SCP2: variants seen among roughly 807,000 people sequenced by gnomAD.
The protein encoded by SCP2 is SCP-2/3-oxoacyl-CoA thiolase.
In SCP2, 48 loss-of-function variants were observed where a neutral mutation model predicts 71.4. The observed-to-expected ratio is 0.67, with a 90% confidence interval of 0.53 to 0.86. The LOEUF (loss-of-function observed/expected upper bound fraction) is 0.86, where lower values mean the gene tolerates loss of function less well. Ranked by LOEUF, SCP2 falls within the 40% of genes least tolerant of loss-of-function variation. SCP2 has a pLI of 0.00. For missense variants in SCP2, 560 were observed against 655.6 expected (o/e 0.85, Z 1.59); for synonymous variants, 220 against 218.1 (o/e 1.01, Z -0.08).
chr1:52,982,683 G>A (rs558606445), intron 10 of SCP2, among the ~76,000 whole-genome samples: 38 of 152,280 alleles, frequency 2.5e-4, no homozygotes, highest in Non-Finnish European at 5.1e-4. Flanking sequence ...CACATAAAAT[G>A]TAGAAGCCTT....
chr1:53,012,204 C>T (rs1259472067), intron 11 of SCP2, among the ~76,000 whole-genome samples: 1 of 152,220 alleles, frequency 6.6e-6, no homozygotes, highest in Non-Finnish European at 1.5e-5. Flanking sequence ...AAGGGACCTG[C>T]CCCACGCCCA....
intron 13 of SCP2, among the ~76,000 whole-genome samples, chr1:53,037,301 T>G (rs17107710): frequency 0.2 from 30,300 of 152,014 alleles, 4,968 homozygotes; most frequent in African/African-American, 0.43. Flanking sequence ...GGTGTGTGAG[T>G]TTGTTGTCCT....
chr1:52,952,865 A>G (rs1655442291), intron 4 of SCP2, among the ~76,000 whole-genome samples: 1 of 151,994 alleles, frequency 6.6e-6, no homozygotes, highest in South Asian at 2.1e-4. Flanking sequence ...GTTCTTTTGT[A>G]TATGTATCAT....
chr1:53,024,622 G>A (rs1661988829), intron 12 of SCP2, among the ~76,000 whole-genome samples: 1 of 149,446 alleles, frequency 6.7e-6, no homozygotes, highest in South Asian at 2.1e-4. Flanking sequence ...CCAGGCTGGA[G>A]TGCAGTGGCA....
intron 6 of SCP2, among the ~76,000 whole-genome samples, chr1:52,972,428 C>G (rs924740069): frequency 1.3e-5 from 2 of 151,958 alleles, no homozygotes; most frequent in African/African-American, 2.4e-5. Context: ...TCCTATGTTA[C>G]GAAAAAAGGA....
intron 1 of SCP2, among the ~76,000 whole-genome samples, 160 bp downstream of exon 1, chr1:52,927,625 C>T (rs1652578861): frequency 6.6e-6 from 1 of 152,192 alleles, no homozygotes; most frequent in East Asian, 1.9e-4. Flanking sequence ...GGGGTCATAG[C>T]GTCTCGGGCT....
At position 53,036,544 on chromosome 1, in the gene SCP2, AAT is replaced by A. The variant is rs1395765055; in HGVS notation, c.1339-2366_1339-2365del. Among the ~76,000 whole-genome samples, 3 of 148,882 alleles carry A rather than the reference AAT, an allele frequency of 2.0e-5. No individual in the cohort carries two copies. The East Asian group carries it at 5.8e-4, about 29-fold the overall frequency. On this transcript the variant is annotated intron_variant, in intron 13 of 15. Transcript: ENST00000371514. ...AGACCTTCTTGAATATATATATAAT[AAT>A]ATATATGTAGCATATATAAATCTTA...
Position 52,957,218 on chromosome 1 carries a change from G to A in SCP2, c.396+2414G>A, listed in dbSNP as rs370105575. On this transcript the variant is annotated intron_variant, in intron 5 of 15. Coordinates refer to ENST00000371514, the MANE Select transcript of SCP2 (RefSeq NM_002979.5). ...CCACTGCCCCTGGCCCCTGGCCCCT[G>A]GCCCCTGGCCCCTTCTGTCTATTTA... 9.6e-3 allele frequency among the ~76,000 whole-genome samples: 1,016 copies of A among 106,008 alleles called. 4 individuals carry two copies. The highest frequency in any genetic ancestry group is 0.015 in the Non-Finnish European group (717 of 48,802). 69.5% of individuals were successfully genotyped at this position (106,008 alleles called of 152,430 possible).
At chr1:52,928,393 G>A (rs1652739671) in intron 1 of SCP2, among the ~76,000 whole-genome samples, 1 of 152,218 alleles carries the variant, frequency 6.6e-6, no homozygotes. Context: ...GATATGCTTT[G>A]TGAAAGAGTT....
chr1:52,968,060 C>T (rs1033872420), intron 6 of SCP2, among the ~76,000 whole-genome samples: 1 of 152,172 alleles, frequency 6.6e-6, no homozygotes, highest in African/African-American at 2.4e-5. Context: ...CCTGCCCCAG[C>T]CTCCTGAGTA....
At chr1:52,982,308 G>T (rs182573539) in intron 10 of SCP2, among the ~76,000 whole-genome samples, 3 of 152,024 alleles carry the variant, frequency 2.0e-5, no homozygotes, top group Non-Finnish European at 2.9e-5. Flanking sequence ...CGGTGGCTCA[G>T]GCCTATAATC....
chr1:52,985,004 T>A (rs1214894527), intron 10 of SCP2, among the ~76,000 whole-genome samples: 2 of 149,978 alleles, frequency 1.3e-5, no homozygotes, highest in Admixed American at 6.7e-5. Context: ...CACGCCCGGC[T>A]AATTTTTGCA....
chr1:53,002,181 C>T lies in SCP2; in HGVS notation c.1082-12709C>T, dbSNP rs140086744. Among the ~76,000 whole-genome samples the T allele has an allele frequency of 6.5e-3, 935 of 143,890 alleles. 15 individuals carry two copies. Among genetic ancestry groups the T allele is most frequent in the African/African-American group, 0.023 (892 of 38,304 alleles). The allele number at this position is 143,890 out of a possible 152,430, so 94.4% of individuals were successfully genotyped here. On this transcript the variant is annotated intron_variant, in intron 11 of 15. Transcript: ENST00000371514. ...CAGCCTGGGTGACAGAGTGAGACTC[C>T]GTCTCAAAAAAAAAAAAAACAAAGA...
intron 12 of SCP2, among the ~76,000 whole-genome samples, 185 bp from the exon 13 acceptor site, chr1:53,027,784 C>T (rs536332994): frequency 1.3e-5 from 2 of 152,334 alleles, no homozygotes; most frequent in African/African-American, 4.8e-5. Flanking sequence ...GGACTATAGG[C>T]ATTGAGCCAT....
At chr1:52,962,225 A>T (rs1359249522) in intron 6 of SCP2, among the ~76,000 whole-genome samples, 1 of 152,164 alleles carries the variant, frequency 6.6e-6, no homozygotes, top group Non-Finnish European at 1.5e-5. Context: ...TGAGGATCTT[A>T]AAATGTCAAC....
At chr1:53,029,728 A>C (rs1662391212) in intron 13 of SCP2, among the ~76,000 whole-genome samples, 1 of 152,188 alleles carries the variant, frequency 6.6e-6, no homozygotes, top group Admixed American at 6.5e-5. Context: ...CTTTCATTAT[A>C]ATCTACAACC....
At chr1:52,956,863 A>T (rs1197787958) in intron 5 of SCP2, among the ~76,000 whole-genome samples, 2 of 151,574 alleles carry the variant, frequency 1.3e-5, no homozygotes, top group Non-Finnish European at 2.9e-5. Context: ...TAGTACAATT[A>T]AAAAGAAATA....
At chr1:53,027,680 T>A (rs1029286054) in intron 12 of SCP2, among the ~76,000 whole-genome samples, 2 of 152,100 alleles carry the variant, frequency 1.3e-5, no homozygotes. Flanking sequence ...AATTTTTGTA[T>A]TTTTAGTAGA....
chr1:52,982,783 G>A (rs72899344), intron 10 of SCP2, among the ~76,000 whole-genome samples: 2,556 of 152,070 alleles, frequency 0.017, 54 homozygotes, highest in African/African-American at 0.059. Flanking sequence ...TATTTACATT[G>A]AAAACCCCAA....
Sources: allele counts gnomAD v4.1 joint callset (sites outside exome capture counted in the v4.1 genomes callset), GRCh38; gene constraint gnomAD v4.1.1; transcripts MANE v1.5; gene names NCBI Gene and HGNC (gene_info 2026-07-23, HGNC 2026-07-21).